PARD3: variants seen among roughly 807,000 people sequenced by gnomAD.
PARD3 encodes the protein partitioning defective 3 homolog.
In PARD3, 75 loss-of-function variants were observed where a neutral mutation model predicts 155.4. The observed-to-expected ratio is 0.48, with a 90% confidence interval of 0.40 to 0.58. The LOEUF is 0.58. Among genes scored for constraint, PARD3 ranks in the 20% least tolerant of loss-of-function variants. PARD3 has a pLI of 0.00. For synonymous variants in PARD3, 576 were observed against 610.5 expected, an observed-to-expected ratio of 0.94 and a Z score of 0.83; for missense variants, 1,642 against 1,721.7, an observed-to-expected ratio of 0.95 and a Z score of 0.82.
intron 1 of PARD3, among the ~76,000 whole-genome samples, chr10:34,751,912 A>ATGT (rs1171494779): frequency 6.6e-6 from 1 of 151,762 alleles, no homozygotes; most frequent in African/African-American, 2.4e-5. Context: ...CTTAACCTAA[A>ATGT]TGTTTCTTTA....
In PARD3 at chr10:34,382,536, G is replaced by A. The variant is rs754193788; in HGVS notation, c.1399+4C>T. ...CCACAAAACAAAAACAGGATAGGTC[G>A]TACCTTTCTTAAGCTGGATATTAAG... On this transcript the variant is annotated splice_donor_region_variant and intron_variant, in intron 9 of 24. Coordinates refer to ENST00000374788, the MANE Select transcript of PARD3 (RefSeq NM_001184785.2). 16 of 1,610,348 alleles carry A rather than the reference G, an allele frequency of 9.9e-6. No individual in the cohort carries two copies. Among genetic ancestry groups the A allele is most frequent in the Admixed American group, 3.4e-5 (2 of 59,268 alleles).
At chr10:34,508,371 C>T (rs2081209311) in intron 3 of PARD3, among the ~76,000 whole-genome samples, 1 of 152,158 alleles carries the variant, frequency 6.6e-6, no homozygotes, top group African/African-American at 2.4e-5. Context: ...CCAGAAATTT[C>T]ACCATTCCTC....
At chr10:34,259,721 A>G (rs1165631522) in intron 22 of PARD3, among the ~76,000 whole-genome samples, 1 of 152,240 alleles carries the variant, frequency 6.6e-6, no homozygotes, top group Non-Finnish European at 1.5e-5. Context: ...AATCTACATC[A>G]AATGTATTAA....
intron 1 of PARD3, among the ~76,000 whole-genome samples, chr10:34,813,265 T>C (rs1414083883): frequency 6.6e-6 from 1 of 152,208 alleles, no homozygotes; most frequent in Non-Finnish European, 1.5e-5. Flanking sequence ...ACCCTCTTCC[T>C]ATTCAGGAGC....
At position 34,383,277 on chromosome 10, in the gene PARD3, C is replaced by G. The variant is rs72788255; in HGVS notation, c.1017-355G>C. On this transcript the variant is annotated intron_variant, in intron 8 of 24. Coordinates refer to ENST00000374788, the MANE Select transcript of PARD3 (RefSeq NM_001184785.2). ...ATTCTCTCTACAACATTGTCTAATA[C>G]AACTTGTAGACATTACAAAATACTT... Among the ~76,000 whole-genome samples, 477 of 152,100 alleles carry G rather than the reference C, an allele frequency of 3.1e-3. 1 individual carries two copies. The highest frequency in any genetic ancestry group is 5.8e-3 in the Admixed American group (89 of 15,272).
chr10:34,730,620 C>T, intron 1 of PARD3, among the ~76,000 whole-genome samples: 1 of 151,972 alleles, frequency 6.6e-6, no homozygotes, highest in South Asian at 2.1e-4. Context: ...ATCGTCTCTA[C>T]AAAAAAATTT....
chr10:34,592,724 G>A (rs898882258), intron 2 of PARD3, among the ~76,000 whole-genome samples: 6 of 152,032 alleles, frequency 3.9e-5, no homozygotes, highest in Non-Finnish European at 5.9e-5. Context: ...GCAGTGAGTG[G>A]AGATCACACC....
intron 22 of PARD3, among the ~76,000 whole-genome samples, chr10:34,256,198 T>A (rs182813597): frequency 1.4e-4 from 22 of 152,362 alleles, no homozygotes; most frequent in African/African-American, 5.3e-4. Flanking sequence ...TCTACTTAGA[T>A]GGACATTATC....
At chr10:34,695,477 CAA>C (rs60331770) in intron 2 of PARD3, among the ~76,000 whole-genome samples, 8 of 109,518 alleles carry the variant, frequency 7.3e-5, no homozygotes, top group Non-Finnish European at 5.4e-5. Context: ...GACTCCATCT[CAA>C]AAAAAAAAAA....
intron 2 of PARD3, among the ~76,000 whole-genome samples, chr10:34,590,127 G>A (rs568074099): frequency 1.3e-5 from 2 of 152,092 alleles, no homozygotes; most frequent in Non-Finnish European, 2.9e-5. Context: ...TCAGCAGGAC[G>A]TCCTTCTCAA....
At chr10:34,119,387 T>C (rs1946856478) in intron 24 of PARD3, among the ~76,000 whole-genome samples, 2 of 152,174 alleles carry the variant, frequency 1.3e-5, no homozygotes, top group African/African-American at 4.8e-5. Context: ...AGGGAGCTTG[T>C]GGGTGAAAAT....
intron 2 of PARD3, among the ~76,000 whole-genome samples, chr10:34,648,514 G>A (rs939275402): frequency 9.9e-5 from 15 of 152,276 alleles, no homozygotes; most frequent in Middle Eastern, 3.4e-3. Context: ...GGGCTTGGGA[G>A]GATGGTTTCA....
rs758868966 is a variant in PARD3, at chr10:34,814,911, G to C, written c.85C>G (p.Gln29Glu). The part of the protein sequence containing the change: ...GHMKVFSLIQ[Q>E]AVTRYRKAIA... Reference sequence around the variant, plus strand: ...GCCTTCCGGTAGCGGGTCACCGCCTGCTGGATGAGGCTGAAAACTTTCATG... The same window carrying C: ...GCCTTCCGGTAGCGGGTCACCGCCTCCTGGATGAGGCTGAAAACTTTCATG... Residue 29 changes from glutamine to glutamate, a missense_variant, in exon 1 of 25, where the codon CAG becomes GAG. Gln to Glu is a conservative substitution (Grantham distance 29). Around this residue, in one of 3 missense-constraint regions of PARD3, gnomAD observed 75 missense variants for 65.3 expected, o/e 1.15. Coordinates refer to ENST00000374788, the MANE Select transcript of PARD3 (RefSeq NM_001184785.2). 3.9e-6 allele frequency: 6 copies of C among 1,557,360 alleles called. No homozygotes were observed. In the Admixed American group the frequency reaches 1.1e-4, roughly 28 times the overall value.
chr10:34,397,500 C>A (rs1414663869), intron 7 of PARD3, among the ~76,000 whole-genome samples: 1 of 152,200 alleles, frequency 6.6e-6, no homozygotes, highest in African/African-American at 2.4e-5. Flanking sequence ...TATAAAAGAA[C>A]TTCTAGTTCT....
At chr10:34,356,258 G>A (rs570842284) in intron 14 of PARD3, among the ~76,000 whole-genome samples, 3 of 152,096 alleles carry the variant, frequency 2.0e-5, no homozygotes, top group Non-Finnish European at 4.4e-5. Context: ...TAAATTTAAA[G>A]AAAACACATT....
intron 2 of PARD3, among the ~76,000 whole-genome samples, chr10:34,610,642 T>A (rs1162800857): frequency 1.3e-5 from 2 of 152,202 alleles, no homozygotes; most frequent in Non-Finnish European, 2.9e-5. Flanking sequence ...GCTAGACAGA[T>A]TAGGAGTTTC....
At chr10:34,651,004 T>A (rs1590408992) in intron 2 of PARD3, among the ~76,000 whole-genome samples, 1 of 68,070 alleles carries the variant, frequency 1.5e-5, no homozygotes, top group Non-Finnish European at 2.5e-5. Context: ...AGAACGAAAC[T>A]CTGTCTCAAA....
chr10:34,308,466 A>G (rs1957526425), intron 20 of PARD3, among the ~76,000 whole-genome samples: 1 of 152,182 alleles, frequency 6.6e-6, no homozygotes, highest in African/African-American at 2.4e-5. Context: ...GCTTTTATAC[A>G]TTCTTAAACT....
intron 20 of PARD3, among the ~76,000 whole-genome samples, chr10:34,312,693 G>T (rs981730906): frequency 6.6e-6 from 1 of 152,148 alleles, no homozygotes; most frequent in Non-Finnish European, 1.5e-5. Flanking sequence ...CAATTTTAAT[G>T]GTAATATTGC....
Sources: allele counts gnomAD v4.1 joint callset (sites outside exome capture counted in the v4.1 genomes callset), GRCh38; gene constraint gnomAD v4.1.1; regional missense constraint gnomAD v4.1.1; transcripts MANE v1.5; gene names NCBI Gene and HGNC (gene_info 2026-07-23, HGNC 2026-07-21).